The following KCNIP4 variants were observed in gnomAD, a reference collection of about 807,000 sequenced individuals.
KCNIP4 encodes potassium voltage-gated channel interacting protein 4, also known as Kv channel-interacting protein 4.
KCNIP4 carries 12 observed loss-of-function variants against 34.0 expected under a neutral mutation model. That is an observed-to-expected ratio of 0.35 (90% CI 0.23 to 0.57). The LOEUF (loss-of-function observed/expected upper bound fraction) is 0.57, where lower values mean the gene tolerates loss of function less well. Among genes scored for constraint, KCNIP4 ranks in the 20% least tolerant of loss-of-function variants. The pLI is 0.83. For missense variants in KCNIP4, 238 were observed against 311.7 expected (o/e 0.76, Z 1.78); for synonymous variants, 124 against 102.2 (o/e 1.21, Z -1.29).
chr4:21,475,935 CA>C (rs1730914870), intron 1 of KCNIP4, among the ~76,000 whole-genome samples: 1 of 151,960 alleles, frequency 6.6e-6, no homozygotes, highest in East Asian at 1.9e-4. Flanking sequence ...CCTTTTTTTC[CA>C]ATGCGCTGTT....
chr4:21,444,252 A>G (rs34490049), intron 1 of KCNIP4, among the ~76,000 whole-genome samples: 84,427 of 151,934 alleles, frequency 0.56, 23,603 homozygotes, highest in Middle Eastern at 0.62. Flanking sequence ...AGAAAAAGAG[A>G]GAATCCTCCC....
intron 1 of KCNIP4, among the ~76,000 whole-genome samples, chr4:21,879,310 C>G (rs1476661497): frequency 1.3e-4 from 20 of 152,136 alleles, no homozygotes; most frequent in Admixed American, 1.3e-3. Context: ...ATATTGAAAC[C>G]AAGCAAACCC....
chr4:21,689,474 AT>A (rs141501110), intron 1 of KCNIP4, among the ~76,000 whole-genome samples: 4,135 of 152,212 alleles, frequency 0.027, 147 homozygotes, highest in East Asian at 0.1. Flanking sequence ...GAGGTTAGGA[AT>A]TAAAAGCTGG....
rs34143880 is a variant in KCNIP4, at chr4:21,282,459, AGTGTGTGTGTGT to A, written c.62-399762_62-399751del. Among the ~76,000 whole-genome samples, 281 of 146,844 alleles carry A rather than the reference AGTGTGTGTGTGT, an allele frequency of 1.9e-3. 1 individual carries two copies. The highest frequency in any genetic ancestry group is 6.3e-3 in the African/African-American group (255 of 40,590). On this transcript the variant is annotated intron_variant, in intron 1 of 8. Coordinates refer to ENST00000382152, the MANE Select transcript of KCNIP4 (RefSeq NM_025221.6). ...AAAGACTGGCACCAAAAGATGTGTGAGTGTGTGTGTGTGTGTGTGTGTGTGTGTGTGTGTGTA... is the reference window on the plus strand; with the variant it reads ...AAAGACTGGCACCAAAAGATGTGTGAGTGTGTGTGTGTGTGTGTGTGTGTA...
chr4:21,735,094 A>G (rs28578090), intron 1 of KCNIP4, among the ~76,000 whole-genome samples: 18,061 of 151,952 alleles, frequency 0.12, 3,653 homozygotes, highest in African/African-American at 0.41. Flanking sequence ...GTGAGATAAC[A>G]TCCTTTTCCT....
intron 1 of KCNIP4, among the ~76,000 whole-genome samples, chr4:21,105,129 GA>G (rs767219810): frequency 1.8e-4 from 27 of 151,580 alleles, no homozygotes; most frequent in Non-Finnish European, 3.5e-4. Flanking sequence ...CCAATTCTGT[GA>G]AGAAAGTCAT....
At chr4:21,215,079 T>A (rs2108986710) in intron 1 of KCNIP4, among the ~76,000 whole-genome samples, 1 of 152,274 alleles carries the variant, frequency 6.6e-6, no homozygotes, top group South Asian at 2.1e-4. Flanking sequence ...ACAGCCAATT[T>A]ATCTAATTAC....
chr4:21,765,008 A>T (rs1472590071), intron 1 of KCNIP4, among the ~76,000 whole-genome samples: 1 of 152,046 alleles, frequency 6.6e-6, no homozygotes, highest in African/African-American at 2.4e-5. Flanking sequence ...TCAACTTGGG[A>T]TGGAGCCTAG....
intron 1 of KCNIP4, among the ~76,000 whole-genome samples, chr4:21,254,363 G>A (rs895343013): frequency 6.6e-6 from 1 of 152,074 alleles, no homozygotes; most frequent in African/African-American, 2.4e-5. Flanking sequence ...AGCATCACCT[G>A]AAGTACTGAG....
intron 1 of KCNIP4, among the ~76,000 whole-genome samples, chr4:20,910,083 T>C (rs901116983): frequency 6.6e-6 from 1 of 152,238 alleles, no homozygotes; most frequent in African/African-American, 2.4e-5. Context: ...GATACATTTT[T>C]CTTAATACCA....
chr4:21,272,801 C>A (rs186170608), intron 1 of KCNIP4, among the ~76,000 whole-genome samples: 56 of 152,186 alleles, frequency 3.7e-4, no homozygotes, highest in Admixed American at 3.7e-3. Context: ...CTCTTTGTGC[C>A]ATTAGGATGA....
At chr4:21,776,831 C>T (rs931025985) in intron 1 of KCNIP4, among the ~76,000 whole-genome samples, 1 of 152,018 alleles carries the variant, frequency 6.6e-6, no homozygotes, top group African/African-American at 2.4e-5. Context: ...TATACAATCT[C>T]GGCTCCTTTC....
At chr4:21,792,731 T>C (rs1720377304) in intron 1 of KCNIP4, among the ~76,000 whole-genome samples, 1 of 152,176 alleles carries the variant, frequency 6.6e-6, no homozygotes, top group African/African-American at 2.4e-5. Flanking sequence ...CAGACATAGA[T>C]TTGTATTCCC....
chr4:21,915,887 T>G (rs1728601174), intron 1 of KCNIP4, among the ~76,000 whole-genome samples: 2 of 152,226 alleles, frequency 1.3e-5, no homozygotes, highest in Admixed American at 1.3e-4. Flanking sequence ...TTTCTGCCCT[T>G]TGTAAACAAC....
chr4:20,859,686 T>G (rs1480348777), intron 2 of KCNIP4, among the ~76,000 whole-genome samples: 1 of 152,074 alleles, frequency 6.6e-6, no homozygotes, highest in Admixed American at 6.6e-5. Context: ...TCTCACAACT[T>G]CTCTTAAAAT....
intron 1 of KCNIP4, among the ~76,000 whole-genome samples, chr4:21,438,364 T>C (rs1223637832): frequency 6.6e-6 from 1 of 152,214 alleles, no homozygotes; most frequent in Non-Finnish European, 1.5e-5. Context: ...TATAGAGATA[T>C]GTGATCTTTT....
At chr4:20,809,989 C>A (rs1012172345) in intron 3 of KCNIP4, among the ~76,000 whole-genome samples, 2 of 152,182 alleles carry the variant, frequency 1.3e-5, no homozygotes, top group Non-Finnish European at 2.9e-5. Context: ...GAAACATGAT[C>A]TCTTCAGCAG....
chr4:21,667,532 C>A (rs1311200254), intron 1 of KCNIP4, among the ~76,000 whole-genome samples: 1 of 152,106 alleles, frequency 6.6e-6, no homozygotes, highest in African/African-American at 2.4e-5. Flanking sequence ...CTGTGAGATT[C>A]CACTCAAACA....
Position 20,894,631 on chromosome 4 carries a change from G to A in KCNIP4, c.62-11922C>T, listed in dbSNP as rs76516899. Among the ~76,000 whole-genome samples, 734 of 152,240 alleles carry A rather than the reference G, an allele frequency of 4.8e-3. 8 individuals carry two copies. The highest frequency in any genetic ancestry group is 0.017 in the African/African-American group (687 of 41,536). Reference sequence around the variant, plus strand: ...ACTCAGAGTGAAATAAGGAGAAAACGGAGGAGGATTTTTTAGCAGAGGAAT... The same window carrying A: ...ACTCAGAGTGAAATAAGGAGAAAACAGAGGAGGATTTTTTAGCAGAGGAAT... On this transcript the variant is annotated intron_variant, in intron 1 of 8. Coordinates refer to ENST00000382152, the MANE Select transcript of KCNIP4 (RefSeq NM_025221.6).
Sources: gnomAD v4.1 joint callset for allele counts (sites outside exome capture counted in the v4.1 genomes callset) on GRCh38, gnomAD v4.1.1 for gene constraint, MANE v1.5 for transcripts, NCBI Gene and HGNC (gene_info 2026-07-23, HGNC 2026-07-21) for gene names.